ZC3H12A: variants seen among roughly 807,000 people sequenced by gnomAD.
The protein encoded by ZC3H12A is endoribonuclease ZC3H12A.
ZC3H12A carries 9 observed loss-of-function variants against 29.9 expected under a neutral mutation model. The observed-to-expected ratio is 0.30, with a 90% CI of 0.18 to 0.53. The LOEUF (loss-of-function observed/expected upper bound fraction) is 0.53. Among genes scored for constraint, ZC3H12A ranks in the 20% least tolerant of loss-of-function variants. ZC3H12A has a pLI of 0.96. For synonymous variants in ZC3H12A, 323 were observed against 338.1 expected (o/e 0.96, Z 0.49); for missense variants, 617 against 799.0 (o/e 0.77, Z 2.75).
rs1641659516 is a variant in ZC3H12A, at chr1:37,479,659, T to C, written c.444-631T>C. On this transcript the variant is annotated intron_variant, in intron 2 of 5. Coordinates refer to ENST00000373087, the MANE Select transcript of ZC3H12A (RefSeq NM_025079.3). This position sits in a 1 kb window ranked among gnomAD's most constrained non-coding sequence, Gnocchi z 4.5. ...CACTCCGGCGCTTTCTGTCCCATGC[T>C]GAAGGCTGGAGTCGCCAGCCCCTTC... 1.9e-5 allele frequency: 19 copies of C among 985,418 alleles called. No homozygotes were observed. The highest frequency in any genetic ancestry group is 2.3e-5 in the Non-Finnish European group (19 of 829,936). 61.0% of individuals were successfully genotyped at this position (985,418 alleles called of 1,614,324 possible). A position where few individuals can be genotyped will look rare whatever the true frequency, so the allele number is the denominator to read the frequency against.
chr1:37,475,320 A>C lies in ZC3H12A; in HGVS notation c.-38-139A>C. The stretch of plus-strand genomic sequence containing the variant: ...GGGAATGGGAATGCCTAGCTGGGAG[A>C]GCTTTTGAGAGGACAACCTGAACTA... On this transcript the variant is annotated intron_variant, in intron 1 of 5. Transcript: ENST00000373087. This position sits in a 1 kb window ranked among gnomAD's most constrained non-coding sequence, Gnocchi z 5.2. 3.0e-6 allele frequency: 2 copies of C among 658,714 alleles called. No homozygotes were observed. The highest frequency in any genetic ancestry group is 2.9e-5 in the Admixed American group (1 of 34,118). 40.8% of individuals were successfully genotyped at this position (658,714 alleles called of 1,614,324 possible). A position where few individuals can be genotyped will look rare whatever the true frequency, so the allele number is the denominator to read the frequency against.
Position 37,479,887 on chromosome 1 carries a change from G to A in ZC3H12A, c.444-403G>A. On this transcript the variant is annotated intron_variant, in intron 2 of 5. Transcript: ENST00000373087. The surrounding 1 kb of genome is among the most constrained non-coding windows in gnomAD (Gnocchi z 4.5). ...TCCCGGCAGCTCGCCGGGTGGGGCA[G>A]GAACCAGAAGTCTCGCGGCACCTTT... 1 of 1,008,050 alleles carries A rather than the reference G, an allele frequency of 9.9e-7. No individual in the cohort carries two copies. Among genetic ancestry groups the A allele is most frequent in the Non-Finnish European group, 1.2e-6 (1 of 843,340 alleles). 62.4% of individuals were successfully genotyped at this position (1,008,050 alleles called of 1,614,324 possible).
In ZC3H12A at chr1:37,483,972, TGCCC is replaced by T; in HGVS notation, c.*362_*365del. On this transcript the variant is annotated 3_prime_UTR_variant, in exon 6 of 6. Coordinates refer to ENST00000373087, the MANE Select transcript of ZC3H12A (RefSeq NM_025079.3). ...GGGGGCAGCAGAGGCCTGGGCTGGG[TGCCC>T]TGTGCACGCCACCCCACTTCCGCCC... 1 of 226,902 alleles carries T rather than the reference TGCCC, an allele frequency of 4.4e-6. No homozygotes were observed. The highest frequency in any genetic ancestry group is 1.0e-4 in the East Asian group (1 of 9,980). The allele number at this position is 226,902 out of a possible 1,614,324, so 14.1% of individuals were successfully genotyped here.
In ZC3H12A at chr1:37,483,510, C is replaced by T. The variant is rs753964603; in HGVS notation, c.1699C>T (p.His567Tyr). The T allele has an allele frequency of 3.3e-5, 53 of 1,613,830 alleles. No homozygotes were observed. Among genetic ancestry groups the T allele is most frequent in the Non-Finnish European group, 3.8e-5 (45 of 1,179,938 alleles). Reference sequence around the variant, plus strand: ...TAAGCTGTGTGGTGTGTTTCCCCCGCACCTGGTGGAGGCTGTGATGGGGCG... The same window carrying T: ...TAAGCTGTGTGGTGTGTTTCCCCCGTACCTGGTGGAGGCTGTGATGGGGCG... ...YTKLCGVFPPHLVEAVMGRFP... is the reference protein window; with the variant it reads ...YTKLCGVFPPYLVEAVMGRFP... Residue 567 changes from histidine (H) to tyrosine (Y), a missense_variant, in exon 6 of 6, where the codon CAC (histidine) becomes TAC (tyrosine). His to Tyr is a moderately conservative substitution (Grantham distance 83). This residue lies in a region of ZC3H12A where 172 missense variants were observed against 203.1 expected (regional missense o/e 0.85). Coordinates refer to ENST00000373087, the MANE Select transcript of ZC3H12A (RefSeq NM_025079.3).
intron 2 of ZC3H12A, among the ~76,000 whole-genome samples, chr1:37,477,336 G>A (rs941612698): frequency 6.6e-6 from 1 of 152,170 alleles, no homozygotes; most frequent in African/African-American, 2.4e-5. Context: ...GGGAGGAGGG[G>A]CTGTGATGAG....
At position 37,481,678 on chromosome 1, in the gene ZC3H12A, G is replaced by A. The variant is rs1641709186; in HGVS notation, c.661G>A (p.Val221Met). ...TPSRRVGGKRVVCYDDRFIVK... is the reference protein window; with the variant it reads ...TPSRRVGGKRMVCYDDRFIVK... The stretch of plus-strand genomic sequence containing the variant: ...ATCACGACGCGTGGGTGGCAAGCGG[G>A]TGGTGTGCTATGACGACAGATTCAT... The change falls in exon 4 of 6, where the codon GTG becomes ATG. Residue 221 changes from valine to methionine, a missense_variant. Physicochemically the swap from Val to Met is conservative, Grantham distance 21. Transcript: ENST00000373087. 2 of 1,614,246 alleles carry A rather than the reference G, an allele frequency of 1.2e-6. No homozygotes were observed. The highest frequency in any genetic ancestry group is 1.7e-6 in the Non-Finnish European group (2 of 1,180,038).
In ZC3H12A at chr1:37,482,496, A is replaced by G; in HGVS notation, c.881A>G (p.Lys294Arg). The G allele has an allele frequency of 6.2e-7, 1 of 1,614,112 alleles. No homozygotes were observed. Among genetic ancestry groups the G allele is most frequent in the Non-Finnish European group, 8.5e-7 (1 of 1,179,992 alleles). The change falls in exon 5 of 6, where the codon AAG becomes AGG. Residue 294 changes from lysine (K) to arginine (R), a missense_variant. Around this residue, in one of 5 missense-constraint regions of ZC3H12A, gnomAD observed 255 missense variants for 402.5 expected, o/e 0.63. Transcript: ENST00000373087. ...CCCAGCCTGGACAACTTCCTGCGTA[A>G]GAAGCCACTCACTTTGGAGCACAGG... The part of the protein sequence containing the change: ...HGPSLDNFLR[K>R]KPLTLEHRKQ...
intron 1 of ZC3H12A, among the ~76,000 whole-genome samples, chr1:37,474,900 G>A (rs1351099965): frequency 6.6e-6 from 1 of 152,200 alleles, no homozygotes; most frequent in African/African-American, 2.4e-5. Context: ...GACAGCCTCG[G>A]CGTCACCAGC....
chr1:37,479,512 C>G lies in ZC3H12A; in HGVS notation c.444-778C>G, dbSNP rs1641656606. On this transcript the variant is annotated intron_variant, in intron 2 of 5. Transcript: ENST00000373087. The surrounding 1 kb of genome is among the most constrained non-coding windows in gnomAD (Gnocchi z 4.5). ...CTCAGCTGTCCTTGCTAAGAGTCCC[C>G]TAGCATCTTCCTGATGGTCTTTCTG... is the stretch of plus-strand genomic sequence containing the variant. 2.0e-6 allele frequency: 2 copies of G among 985,458 alleles called. No homozygotes were observed. The highest frequency in any genetic ancestry group is 3.5e-5 in the African/African-American group (2 of 57,374). The allele number at this position is 985,458 out of a possible 1,614,324, so 61.0% of individuals were successfully genotyped here.
Position 37,481,487 on chromosome 1 carries a change from G to A in ZC3H12A, c.584-114G>A, listed in dbSNP as rs117654224. The A allele has an allele frequency of 1.2e-4, 116 of 979,866 alleles. No individual in the cohort carries two copies. The East Asian group carries it at 1.5e-3, about 13-fold the overall frequency. The allele number at this position is 979,866 out of a possible 1,614,324, so 60.7% of individuals were successfully genotyped here. A position where few individuals can be genotyped will look rare whatever the true frequency, so the allele number is the denominator to read the frequency against. On this transcript the variant is annotated intron_variant, in intron 3 of 5. Coordinates refer to ENST00000373087, the MANE Select transcript of ZC3H12A (RefSeq NM_025079.3). ...CCTCAGCAGAGTTAGTTCTTGCCCCGGTGACCTTGGCGTTAACCACTCCTG... is the reference window on the plus strand; with the variant it reads ...CCTCAGCAGAGTTAGTTCTTGCCCCAGTGACCTTGGCGTTAACCACTCCTG...
chr1:37,475,330 A>T lies in ZC3H12A; in HGVS notation c.-38-129A>T. ...ATGCCTAGCTGGGAGAGCTTTTGAG[A>T]GGACAACCTGAACTAATAACACGAT... On this transcript the variant is annotated intron_variant, in intron 1 of 5. Transcript: ENST00000373087. This position sits in a 1 kb window ranked among gnomAD's most constrained non-coding sequence, Gnocchi z 5.2. 1 of 728,980 alleles carries T rather than the reference A, an allele frequency of 1.4e-6. No homozygotes were observed. The highest frequency in any genetic ancestry group is 2.2e-6 in the Non-Finnish European group (1 of 448,208). 45.2% of individuals were successfully genotyped at this position (728,980 alleles called of 1,614,324 possible). A position where few individuals can be genotyped will look rare whatever the true frequency, so the allele number is the denominator to read the frequency against.
chr1:37,474,822 A>G (rs1641547353), intron 1 of ZC3H12A, among the ~76,000 whole-genome samples, 193 bp downstream of exon 1: 1 of 152,006 alleles, frequency 6.6e-6, no homozygotes, highest in Non-Finnish European at 1.5e-5. Context: ...CCAAGTTGGG[A>G]GAGCCGGGGA....
rs1236290508 is a variant in ZC3H12A at position 37,482,434 on chromosome 1, G to T, written c.819G>T (p.Lys273Asn). The change falls in exon 5 of 6, where the codon AAG (lysine) becomes AAT (asparagine). Residue 273 changes from lysine to asparagine, a missense_variant and splice_region_variant. By Grantham distance (94) the Lys-to-Asn change is moderately conservative (BLOSUM62 0). Transcript: ENST00000373087. ...RLLMYSFVNDKFMPPDDPLGR... is the reference protein window; with the variant it reads ...RLLMYSFVNDNFMPPDDPLGR... Reference sequence around the variant, plus strand: ...AGAGAGTTCTTTGCACCCTCTGCAGGTTTATGCCCCCTGATGACCCACTGG... The same window carrying T: ...AGAGAGTTCTTTGCACCCTCTGCAGTTTTATGCCCCCTGATGACCCACTGG... The T allele has an allele frequency of 6.2e-7, 1 of 1,612,320 alleles. No individual in the cohort carries two copies. Among genetic ancestry groups the T allele is most frequent in the Non-Finnish European group, 8.5e-7 (1 of 1,178,902 alleles).
intron 4 of ZC3H12A, among the ~76,000 whole-genome samples, chr1:37,482,195 C>T (rs1273828617): frequency 6.6e-6 from 1 of 152,216 alleles, no homozygotes; most frequent in Non-Finnish European, 1.5e-5. Flanking sequence ...CCCCGACGAC[C>T]TCAGAGAGGG....
chr1:37,479,553 G>A lies in ZC3H12A; in HGVS notation c.444-737G>A, dbSNP rs574022749. 2 of 985,446 alleles carry A rather than the reference G, an allele frequency of 2.0e-6. No individual in the cohort carries two copies. The highest frequency in any genetic ancestry group is 4.7e-5 in the South Asian group (1 of 21,288). The allele number at this position is 985,446 out of a possible 1,614,324, so 61.0% of individuals were successfully genotyped here. A position where few individuals can be genotyped will look rare whatever the true frequency, so the allele number is the denominator to read the frequency against. ...GGTCTTTCTGCCTTGGGGTGAAGAG[G>A]CATTTGGGGGAATTGCCATCTTGGG... On this transcript the variant is annotated intron_variant, in intron 2 of 5. Transcript: ENST00000373087. The surrounding 1 kb of genome is among the most constrained non-coding windows in gnomAD (Gnocchi z 4.5).
rs1247126341 is a variant in ZC3H12A, at chr1:37,475,179, G to A, written c.-38-280G>A. Reference sequence around the variant, plus strand: ...CGTGGGGGTTCGAGGCTTTACAGCTGGGGTAGTTCCAGTCTTAGTTCAGAC... The same window carrying A: ...CGTGGGGGTTCGAGGCTTTACAGCTAGGGTAGTTCCAGTCTTAGTTCAGAC... On this transcript the variant is annotated intron_variant, in intron 1 of 5. Transcript: ENST00000373087. This position sits in a 1 kb window ranked among gnomAD's most constrained non-coding sequence, Gnocchi z 5.2. Among the ~76,000 whole-genome samples, 1 of 152,204 alleles carries A rather than the reference G, an allele frequency of 6.6e-6. No individual in the cohort carries two copies. Among genetic ancestry groups the A allele is most frequent in the Non-Finnish European group, 1.5e-5 (1 of 68,028 alleles).
Position 37,479,213 on chromosome 1 carries a change from G to GTGTT in ZC3H12A, c.444-1076_444-1073dup. 1 of 985,448 alleles carries GTGTT rather than the reference G, an allele frequency of 1.0e-6. No homozygotes were observed. The highest frequency in any genetic ancestry group is 1.2e-6 in the Non-Finnish European group (1 of 829,944). The allele number at this position is 985,448 out of a possible 1,614,324, so 61.0% of individuals were successfully genotyped here. A position where few individuals can be genotyped will look rare whatever the true frequency, so the allele number is the denominator to read the frequency against. ...CCTAGGAGCTCTTCCATGACACCTA[G>GTGTT]TGTTACCTGGGAGCCCCAAGCCCCA... On this transcript the variant is annotated intron_variant, in intron 2 of 5. Transcript: ENST00000373087. The surrounding 1 kb of genome is among the most constrained non-coding windows in gnomAD (Gnocchi z 4.5).
intron 3 of ZC3H12A, among the ~76,000 whole-genome samples, chr1:37,480,742 G>A (rs563087492): frequency 6.6e-5 from 10 of 152,344 alleles, no homozygotes; most frequent in African/African-American, 2.2e-4. Context: ...AGTCGAGACA[G>A]CCAGAGTTGG....
In ZC3H12A at chr1:37,483,371, A is replaced by G; in HGVS notation, c.1560A>G (p.Pro520=). Residue 520 remains proline, a synonymous_variant, in exon 6 of 6, where the codon CCA becomes CCG. Coordinates refer to ENST00000373087, the MANE Select transcript of ZC3H12A (RefSeq NM_025079.3). ...GAGAGTACTGGTCTGAACCATACCC[A>G]CTGCCCCCACCCACATCAGTCCTTC... ...PPREYWSEPY[P]LPPPTSVLQE... 1 of 1,613,850 alleles carries G rather than the reference A, an allele frequency of 6.2e-7. No individual in the cohort carries two copies.
Sources: gnomAD v4.1 joint callset for allele counts (sites outside exome capture counted in the v4.1 genomes callset) on GRCh38, gnomAD v4.1.1 for gene constraint, gnomAD v4.1.1 regional missense constraint, Gnocchi (gnomAD v3.1) non-coding constraint, MANE v1.5 for transcripts, NCBI Gene and HGNC (gene_info 2026-07-23, HGNC 2026-07-21) for gene names.